Variants in RBFOX1 observed in about 807,000 individuals in gnomAD.
RBFOX1 encodes the protein RNA binding protein fox-1 homolog 1.
A neutral mutation model predicts 57.7 loss-of-function variants in RBFOX1; 8 were observed. The ratio of observed to expected loss-of-function variants is 0.14; its 90% CI spans 0.08 to 0.25. The LOEUF is 0.25. Ranked by LOEUF, RBFOX1 falls within the 10% of genes least tolerant of loss-of-function variation. The probability of loss-of-function intolerance (pLI) is 1.00; values close to 1 mark genes in which losing one functional copy is unlikely to be tolerated. For synonymous variants in RBFOX1, 326 were observed against 222.4 expected (o/e 1.47, Z -4.15); for missense variants, 611 against 548.5 (o/e 1.11, Z -1.14).
chr16:7,634,141 T>G (rs975213804), intron 11 of RBFOX1, among the ~76,000 whole-genome samples: 1 of 152,212 alleles, frequency 6.6e-6, no homozygotes, highest in Non-Finnish European at 1.5e-5. Context: ...AATCCAACCA[T>G]TGCCCTCAAA....
chr16:5,666,663 T>C (rs1202336283), intron 3 of RBFOX1, among the ~76,000 whole-genome samples: 6 of 152,204 alleles, frequency 3.9e-5, no homozygotes, highest in African/African-American at 1.2e-4. Flanking sequence ...GCAGCCACTT[T>C]AGATAGATAA....
At chr16:6,034,359 A>G (rs1035148805) in intron 1 of RBFOX1, among the ~76,000 whole-genome samples, 2 of 117,944 alleles carry the variant, frequency 1.7e-5, no homozygotes, top group Non-Finnish European at 3.6e-5. Flanking sequence ...AAAAAAAAAG[A>G]AAAGAAAAGA....
intron 4 of RBFOX1, among the ~76,000 whole-genome samples, chr16:5,875,303 G>A (rs1193901359): frequency 6.6e-6 from 1 of 152,174 alleles, no homozygotes; most frequent in Non-Finnish European, 1.5e-5. Context: ...AAAATAGTGG[G>A]AGCCATATCT....
chr16:7,333,444 T>C (rs1219383816), intron 4 of RBFOX1, among the ~76,000 whole-genome samples: 1 of 152,198 alleles, frequency 6.6e-6, no homozygotes, highest in Non-Finnish European at 1.5e-5. Context: ...TAACTTATCA[T>C]GAGGTGACTC....
At chr16:5,435,995 C>A (rs1242018775) in intron 1 of RBFOX1, among the ~76,000 whole-genome samples, 1 of 152,190 alleles carries the variant, frequency 6.6e-6, no homozygotes, top group East Asian at 1.9e-4. Flanking sequence ...ATAGCTCTAG[C>A]TTGCCCCTCA....
At chr16:6,824,389 C>A (rs2091822167) in intron 3 of RBFOX1, among the ~76,000 whole-genome samples, 1 of 152,180 alleles carries the variant, frequency 6.6e-6, no homozygotes, top group Non-Finnish European at 1.5e-5. Context: ...ATCTGGGCAA[C>A]AGAGCGAGAT....
chr16:6,658,579 G>C (rs1383841258), intron 3 of RBFOX1, among the ~76,000 whole-genome samples: 1 of 152,070 alleles, frequency 6.6e-6, no homozygotes, highest in East Asian at 1.9e-4. Flanking sequence ...CTCGATCTGA[G>C]ACTCTTCATA....
chr16:6,534,964 G>A (rs1009961525), intron 2 of RBFOX1, among the ~76,000 whole-genome samples: 5 of 152,140 alleles, frequency 3.3e-5, no homozygotes, highest in African/African-American at 1.2e-4. Context: ...TTCTGTAGCA[G>A]GAGGTATGAG....
intron 1 of RBFOX1, among the ~76,000 whole-genome samples, chr16:6,082,819 A>G (rs151045794): frequency 7.0e-4 from 107 of 152,234 alleles, no homozygotes; most frequent in African/African-American, 2.3e-3. Context: ...CCTACCTTAC[A>G]TAGCTGCAAG....
intron 10 of RBFOX1, among the ~76,000 whole-genome samples, chr16:7,609,790 G>A (rs1282369951): frequency 6.7e-6 from 1 of 149,816 alleles, no homozygotes; most frequent in African/African-American, 2.5e-5. Flanking sequence ...ACAACCAGTT[G>A]ATACTGGTGG....
chr16:7,500,528 ATTG>A (rs2070394985), intron 4 of RBFOX1, among the ~76,000 whole-genome samples: 2 of 152,162 alleles, frequency 1.3e-5, no homozygotes, highest in Admixed American at 1.3e-4. Context: ...ATCTAAGCCT[ATTG>A]TTGTAGCTAG....
At chr16:6,841,852 C>G (rs991067237) in intron 3 of RBFOX1, among the ~76,000 whole-genome samples, 34 of 151,940 alleles carry the variant, frequency 2.2e-4, no homozygotes, top group African/African-American at 8.2e-4. Context: ...TAAAAAATTC[C>G]AACAGGCCGG....
intron 3 of RBFOX1, among the ~76,000 whole-genome samples, chr16:5,815,800 C>G (rs924649942): frequency 2.0e-5 from 3 of 152,218 alleles, no homozygotes; most frequent in African/African-American, 7.2e-5. Flanking sequence ...AACAGTGGAG[C>G]CCAGAGAAAT....
intron 4 of RBFOX1, among the ~76,000 whole-genome samples, chr16:7,083,687 T>G (rs2059546999): frequency 6.6e-6 from 1 of 152,162 alleles, no homozygotes; most frequent in Admixed American, 6.5e-5. Flanking sequence ...TCAGGCAAAA[T>G]GTTCACTTTC....
chr16:6,508,215 GGGTGGAA>G (rs2096159826), intron 2 of RBFOX1, among the ~76,000 whole-genome samples: 1 of 152,110 alleles, frequency 6.6e-6, no homozygotes, highest in Admixed American at 6.5e-5. Context: ...GCCTTTTGGA[GGGTGGAA>G]GGTGGAAGGA....
intron 4 of RBFOX1, among the ~76,000 whole-genome samples, chr16:7,367,588 A>G (rs1046184989): frequency 9.9e-5 from 15 of 152,214 alleles, no homozygotes; most frequent in Admixed American, 7.8e-4. Context: ...TCAGCTCACA[A>G]TAGTCTCTAA....
At chr16:7,546,921 G>A (rs931861248) in intron 5 of RBFOX1, among the ~76,000 whole-genome samples, 3 of 152,088 alleles carry the variant, frequency 2.0e-5, no homozygotes, top group African/African-American at 4.8e-5. Context: ...TAGAACTTCT[G>A]GGTCAAAGAG....
At chr16:6,657,295 T>A (rs1485028426) in intron 3 of RBFOX1, among the ~76,000 whole-genome samples, 1 of 152,152 alleles carries the variant, frequency 6.6e-6, no homozygotes, top group Non-Finnish European at 1.5e-5. Context: ...GTTTCTCTGT[T>A]TCTAACAATT....
chr16:6,268,312 C>G (rs896561000), intron 1 of RBFOX1, among the ~76,000 whole-genome samples: 1 of 152,182 alleles, frequency 6.6e-6, no homozygotes, highest in Admixed American at 6.5e-5. Flanking sequence ...TGGAGGAGAA[C>G]TCCCGTGATG....
Sources: allele counts gnomAD v4.1 joint callset (sites outside exome capture counted in the v4.1 genomes callset), GRCh38; gene constraint gnomAD v4.1.1; transcripts MANE v1.5; gene names NCBI Gene and HGNC (gene_info 2026-07-23, HGNC 2026-07-21).